Variants in PC observed in about 807,000 individuals in gnomAD.
PC encodes the protein pyruvate carboxylase, also known as pyruvate carboxylase, mitochondrial.
Under a neutral mutation model 107.8 loss-of-function variants are expected in PC, and 46 were observed. The observed-to-expected ratio is 0.43, with a 90% CI of 0.34 to 0.55. The LOEUF is 0.55. Ranked by LOEUF, PC falls within the 20% of genes least tolerant of loss-of-function variation. The pLI is 0.04. For synonymous variants in PC, 662 were observed against 684.7 expected (o/e 0.97, Z 0.52); for missense variants, 1,241 against 1,643.1 (o/e 0.76, Z 4.23).
Position 66,852,283 on chromosome 11 carries a change from G to A in PC, c.1825+156C>T, listed in dbSNP as rs1393826689. Among the ~76,000 whole-genome samples the A allele has an allele frequency of 6.6e-6, 1 of 152,242 alleles. No homozygotes were observed. Among genetic ancestry groups the A allele is most frequent in the Non-Finnish European group, 1.5e-5 (1 of 68,042 alleles). On this transcript the variant is annotated intron_variant, in intron 15 of 22. Transcript: ENST00000393960. This position sits in a 1 kb window ranked among gnomAD's most constrained non-coding sequence, Gnocchi z 4.7. Reference sequence around the variant, plus strand: ...CTCTGCAACCTCGTGCCGGCACCAGGCCTGGCCGGAGAGGGCGCTGTGCCT... The same window carrying A: ...CTCTGCAACCTCGTGCCGGCACCAGACCTGGCCGGAGAGGGCGCTGTGCCT...
chr11:66,874,830 T>G (rs1329762903), intron 3 of PC, among the ~76,000 whole-genome samples: 1 of 152,168 alleles, frequency 6.6e-6, no homozygotes, highest in Non-Finnish European at 1.5e-5. Flanking sequence ...ATTTTGCGAA[T>G]GATCTGGGGC....
At chr11:66,902,177 C>T (rs1004740204) in intron 3 of PC, among the ~76,000 whole-genome samples, 1 of 152,194 alleles carries the variant, frequency 6.6e-6, no homozygotes, top group Non-Finnish European at 1.5e-5. Flanking sequence ...TTTTCTCTCC[C>T]TATTCGTGAC....
At chr11:66,934,300 CA>C (rs1948940484) in intron 3 of PC, 1 of 152,382 alleles carries the variant, frequency 6.6e-6, no homozygotes. Flanking sequence ...ACGGTGTGTC[CA>C]AGTGTCAGGC....
At chr11:66,927,827 G>A (rs1052096526) in intron 3 of PC, among the ~76,000 whole-genome samples, 2 of 152,042 alleles carry the variant, frequency 1.3e-5, no homozygotes, top group African/African-American at 4.8e-5. Context: ...GGAGAGGGTA[G>A]TAAGGAAGCC....
At chr11:66,957,424 C>T (rs1041255328) in intron 1 of PC, among the ~76,000 whole-genome samples, 2 of 152,220 alleles carry the variant, frequency 1.3e-5, no homozygotes, top group African/African-American at 4.8e-5. Context: ...CGAGACCAGC[C>T]TGGGCAACAT....
At chr11:66,936,596 G>C (rs1949009038) in intron 3 of PC, among the ~76,000 whole-genome samples, 7 of 152,174 alleles carry the variant, frequency 4.6e-5, no homozygotes, top group Admixed American at 4.6e-4. Flanking sequence ...ATGCCTGACA[G>C]GTCGTTTGTG....
chr11:66,951,870 C>A (rs982904067), intron 3 of PC, among the ~76,000 whole-genome samples: 54 of 146,532 alleles, frequency 3.7e-4, no homozygotes, highest in African/African-American at 1.3e-3. Context: ...AGCCTGGCAA[C>A]AGAGCAAGAC....
intron 3 of PC, among the ~76,000 whole-genome samples, chr11:66,947,977 A>G (rs1225788103): frequency 6.6e-6 from 1 of 151,112 alleles, no homozygotes. Flanking sequence ...AAAAAAAAAA[A>G]GCCTAAGCAA....
intron 3 of PC, among the ~76,000 whole-genome samples, chr11:66,904,366 C>T (rs116884770): frequency 0.02 from 3,083 of 152,218 alleles, 46 homozygotes; most frequent in Non-Finnish European, 0.03. Flanking sequence ...AGGCTGGGCG[C>T]GGTGGCTCAT....
At chr11:66,896,603 G>C (rs529411155) in intron 3 of PC, among the ~76,000 whole-genome samples, 2 of 152,232 alleles carry the variant, frequency 1.3e-5, no homozygotes, top group African/African-American at 2.4e-5. Context: ...GGACAGCGCC[G>C]CTGGCTCCCT....
intron 3 of PC, among the ~76,000 whole-genome samples, chr11:66,904,587 G>C (rs1372064090): frequency 6.6e-6 from 1 of 152,232 alleles, no homozygotes; most frequent in South Asian, 2.1e-4. Flanking sequence ...GCAGTGAGCT[G>C]TGATTGTGCC....
chr11:66,895,875 C>T (rs1454947997), intron 3 of PC, among the ~76,000 whole-genome samples: 5 of 152,058 alleles, frequency 3.3e-5, no homozygotes, highest in African/African-American at 9.7e-5. Flanking sequence ...GAGAGCCTCA[C>T]GAAACAGATG....
chr11:66,860,962 C>A (rs1946224925), intron 12 of PC, among the ~76,000 whole-genome samples: 1 of 152,198 alleles, frequency 6.6e-6, no homozygotes, highest in South Asian at 2.1e-4. Flanking sequence ...CCTCCCAGGG[C>A]ATCTTGTGGA....
At chr11:66,903,765 A>ATATAT (rs1396390102) in intron 3 of PC, among the ~76,000 whole-genome samples, 1 of 122,404 alleles carries the variant, frequency 8.2e-6, no homozygotes, top group African/African-American at 3.0e-5. Context: ...AAAAAAAAAA[A>ATATAT]AAAAAAAAAT....
At position 66,849,022 on chromosome 11, in the gene PC, A is replaced by G. The variant is rs2135782929; in HGVS notation, c.3414T>C (p.Cys1138=). 6.2e-7 allele frequency: 1 copy of G among 1,614,060 alleles called. No homozygotes were observed. Among genetic ancestry groups the G allele is most frequent in the Non-Finnish European group, 8.5e-7 (1 of 1,180,016 alleles). The change falls in exon 23 of 23, where the codon TGT becomes TGC. Residue 1138 remains cysteine (C), a synonymous_variant. Coordinates refer to ENST00000393960, the MANE Select transcript of PC (RefSeq NM_001040716.2). ...TCTCCATCTTCATGGCACTGAGCAC[A>G]CACAGGGGCTGGCCCTTGGCCACCT... ...GAKVAKGQPL[C]VLSAMKMETV...
chr11:66,949,326 T>C (rs1300585966), intron 3 of PC, among the ~76,000 whole-genome samples: 2 of 151,970 alleles, frequency 1.3e-5, no homozygotes, highest in East Asian at 3.9e-4. Context: ...TAACTGAAGT[T>C]GAATATGATT....
intron 12 of PC, among the ~76,000 whole-genome samples, chr11:66,856,382 G>A (rs1045656518): frequency 3.3e-5 from 5 of 151,990 alleles, no homozygotes; most frequent in Admixed American, 1.3e-4. Flanking sequence ...AGCTGGGGAG[G>A]GAGGGAGAGG....
intron 3 of PC, among the ~76,000 whole-genome samples, chr11:66,890,751 C>T (rs947989533): frequency 3.2e-4 from 48 of 152,002 alleles, no homozygotes; most frequent in Middle Eastern, 3.4e-3. Flanking sequence ...GCGATCCACC[C>T]ACCTCAGCCT....
Position 66,858,544 on chromosome 11 carries a change from A to G in PC, c.1369-5161T>C. The stretch of plus-strand genomic sequence containing the variant: ...TCCCCGCCCGGCCTGGCCGGCCGCT[A>G]CTTCTGGGCAGTGCCCGAGGGCGAG... On this transcript the variant is annotated intron_variant, in intron 12 of 22. Coordinates refer to ENST00000393960, the MANE Select transcript of PC (RefSeq NM_001040716.2). The surrounding 1 kb of genome is among the most constrained non-coding windows in gnomAD (Gnocchi z 5.9). The G allele has an allele frequency of 5.2e-6, 8 of 1,533,332 alleles. No individual in the cohort carries two copies. Among genetic ancestry groups the G allele is most frequent in the Non-Finnish European group, 7.0e-6 (8 of 1,144,942 alleles). 95.0% of individuals were successfully genotyped at this position (1,533,332 alleles called of 1,614,324 possible).
Sources: allele counts gnomAD v4.1 joint callset (sites outside exome capture counted in the v4.1 genomes callset), GRCh38; gene constraint gnomAD v4.1.1; non-coding constraint Gnocchi (gnomAD v3.1); transcripts MANE v1.5; gene names NCBI Gene and HGNC (gene_info 2026-07-23, HGNC 2026-07-21).